The following PDCD1LG2 variants were observed in gnomAD, a reference collection of about 807,000 sequenced individuals.
The protein encoded by PDCD1LG2 is programmed cell death 1 ligand 2.
Under a neutral mutation model 28.2 loss-of-function variants are expected in PDCD1LG2, and 32 were observed. The observed-to-expected ratio is 1.13, with a 90% CI of 0.86 to 1.52. PDCD1LG2 has a LOEUF of 1.52. Among genes scored for constraint, PDCD1LG2 ranks in the 40% most tolerant of loss-of-function variants. The pLI, the probability that PDCD1LG2 is intolerant of heterozygous loss-of-function variation, is 0.00. For missense variants in PDCD1LG2, 385 were observed against 323.8 expected (o/e 1.19, Z -1.45); for synonymous variants, 116 against 120.2 (o/e 0.97, Z 0.23).
At chr9:5,526,824 T>C (rs1246104803) in intron 2 of PDCD1LG2, among the ~76,000 whole-genome samples, 1 of 152,254 alleles carries the variant, frequency 6.6e-6, no homozygotes, top group Non-Finnish European at 1.5e-5. Flanking sequence ...TTCTTTATAG[T>C]TTCCAAATCA....
chr9:5,552,507 T>C (rs2038131870), intron 4 of PDCD1LG2, among the ~76,000 whole-genome samples: 1 of 152,132 alleles, frequency 6.6e-6, no homozygotes, highest in South Asian at 2.1e-4. Context: ...ATAGCCCTGG[T>C]ACAGACGTAG....
chr9:5,543,114 GA>G (rs1249970640), intron 3 of PDCD1LG2, among the ~76,000 whole-genome samples: 3 of 152,228 alleles, frequency 2.0e-5, no homozygotes, highest in Admixed American at 6.5e-5. Flanking sequence ...AGTAACTCAG[GA>G]ATGTAAAACC....
At chr9:5,545,191 G>A (rs1166846038) in intron 3 of PDCD1LG2, among the ~76,000 whole-genome samples, 1 of 152,242 alleles carries the variant, frequency 6.6e-6, no homozygotes, top group African/African-American at 2.4e-5. Context: ...AAGTATTGCT[G>A]TATCCATTTC....
At chr9:5,546,632 C>T (rs545411472) in intron 3 of PDCD1LG2, among the ~76,000 whole-genome samples, 1 of 152,280 alleles carries the variant, frequency 6.6e-6, no homozygotes, top group Admixed American at 6.5e-5. Flanking sequence ...GCATATTCCT[C>T]TATCTGCTTA....
intron 6 of PDCD1LG2, 56 bp downstream of exon 6, chr9:5,563,267 A>C (rs1806292627): frequency 7.1e-7 from 1 of 1,416,472 alleles, no homozygotes; most frequent in Non-Finnish European, 9.9e-7. Flanking sequence ...TCTCAGCTTG[A>C]ATTTTAAAGT....
At chr9:5,555,752 G>A (rs759871354) in intron 4 of PDCD1LG2, among the ~76,000 whole-genome samples, 4 of 152,196 alleles carry the variant, frequency 2.6e-5, no homozygotes, top group African/African-American at 7.2e-5. Context: ...TAAACGAGTG[G>A]TGGAAAACAC....
intron 2 of PDCD1LG2, among the ~76,000 whole-genome samples, chr9:5,524,695 G>A (rs1408031042): frequency 6.6e-6 from 1 of 152,118 alleles, no homozygotes; most frequent in African/African-American, 2.4e-5. Context: ...TTCTGGGGAG[G>A]GGAGGAGGTC....
intron 4 of PDCD1LG2, among the ~76,000 whole-genome samples, chr9:5,553,840 C>A (rs1816384172): frequency 6.6e-6 from 1 of 152,162 alleles, no homozygotes; most frequent in African/African-American, 2.4e-5. Context: ...CCATCCTTCC[C>A]AACTTTGTAT....
At chr9:5,565,428 C>T (rs1235570890) in intron 6 of PDCD1LG2, among the ~76,000 whole-genome samples, 1 of 152,224 alleles carries the variant, frequency 6.6e-6, no homozygotes, top group East Asian at 1.9e-4. Flanking sequence ...AAGCAATCCT[C>T]CTGCCTTGGC....
In PDCD1LG2 at chr9:5,540,891, C is replaced by A. The variant is rs181339655; in HGVS notation, c.361+5841C>A. Among the ~76,000 whole-genome samples, 414 of 152,228 alleles carry A rather than the reference C, an allele frequency of 2.7e-3. 3 individuals are homozygous for A. Among genetic ancestry groups the A allele is most frequent in the African/African-American group, 9.5e-3 (393 of 41,548 alleles). The stretch of plus-strand genomic sequence containing the variant: ...AGCCAGTAGCACCCTAATACAAAAA[C>A]CAGGGAAGGACATAACAAAAAAAGA... On this transcript the variant is annotated intron_variant, in intron 3 of 6. Transcript: ENST00000397747.
intron 2 of PDCD1LG2, among the ~76,000 whole-genome samples, chr9:5,532,169 C>A (rs1258532736): frequency 6.6e-6 from 1 of 152,166 alleles, no homozygotes; most frequent in African/African-American, 2.4e-5. Flanking sequence ...CCTGGCACAG[C>A]AAGTGCAGAT....
Position 5,549,442 on chromosome 9 carries a change from A to T in PDCD1LG2, c.469A>T (p.Asn157Tyr), listed in dbSNP as rs2129875563. The part of the protein sequence containing the change: ...GYPLAEVSWP[N>Y]VSVPANTSHS... ...TCCTCTGGCAGAAGTATCCTGGCCA[A>T]ACGTCAGCGTTCCTGCCAACACCAG... Residue 157 changes from asparagine (N) to tyrosine (Y), a missense_variant, in exon 4 of 7, where the codon AAC becomes TAC. By Grantham distance (143) the Asn-to-Tyr change is moderately radical (BLOSUM62 -2). Transcript: ENST00000397747. The T allele has an allele frequency of 6.2e-7, 1 of 1,614,168 alleles. No homozygotes were observed. The highest frequency in any genetic ancestry group is 8.5e-7 in the Non-Finnish European group (1 of 1,180,030).
At chr9:5,520,243 T>C (rs1418399017) in intron 1 of PDCD1LG2, among the ~76,000 whole-genome samples, 1 of 152,186 alleles carries the variant, frequency 6.6e-6, no homozygotes, top group African/African-American at 2.4e-5. Flanking sequence ...AGGATAGACA[T>C]ATAGTTCAAT....
intron 6 of PDCD1LG2, among the ~76,000 whole-genome samples, chr9:5,566,198 C>A (rs1200642793): frequency 6.6e-6 from 1 of 152,212 alleles, no homozygotes; most frequent in Non-Finnish European, 1.5e-5. Context: ...ATGTCCCTTG[C>A]ATGTACTTCT....
At chr9:5,527,973 C>A (rs1416640579) in intron 2 of PDCD1LG2, among the ~76,000 whole-genome samples, 1 of 152,032 alleles carries the variant, frequency 6.6e-6, no homozygotes, top group African/African-American at 2.4e-5. Flanking sequence ...GGATTACAGG[C>A]ACCCACCACC....
chr9:5,550,733 C>G (rs1260401431), intron 4 of PDCD1LG2, among the ~76,000 whole-genome samples: 1 of 151,912 alleles, frequency 6.6e-6, no homozygotes, highest in Non-Finnish European at 1.5e-5. Flanking sequence ...TTATTCTGCC[C>G]CCCAGGCTGG....
rs187009383 is a variant in PDCD1LG2, at chr9:5,529,786, C to G, written c.56-4959C>G. On this transcript the variant is annotated intron_variant, in intron 2 of 6. Transcript: ENST00000397747. The stretch of plus-strand genomic sequence containing the variant: ...ACTCCACTTCGCCTATCTTTAGATC[C>G]AAAACTACCCTGCTGACTGCTGAGA... Among the ~76,000 whole-genome samples the G allele has an allele frequency of 1.9e-4, 29 of 152,220 alleles. 1 individual carries two copies. The highest frequency in any genetic ancestry group is 1.6e-3 in the Admixed American group (25 of 15,288).
At chr9:5,563,246 T>C in intron 6 of PDCD1LG2, 35 bp downstream of exon 6, 1 of 1,562,250 alleles carries the variant, frequency 6.4e-7, no homozygotes, top group Non-Finnish European at 8.8e-7. Context: ...TCTTTCTTAC[T>C]TTCTTTTCTC....
At chr9:5,543,369 C>G (rs1270173958) in intron 3 of PDCD1LG2, among the ~76,000 whole-genome samples, 2 of 152,064 alleles carry the variant, frequency 1.3e-5, no homozygotes, top group African/African-American at 4.8e-5. Flanking sequence ...GAAACCCCGT[C>G]TCTACTAAAA....
Sources: gnomAD v4.1 joint callset for allele counts (sites outside exome capture counted in the v4.1 genomes callset) on GRCh38, gnomAD v4.1.1 for gene constraint, MANE v1.5 for transcripts, NCBI Gene and HGNC (gene_info 2026-07-23, HGNC 2026-07-21) for gene names.